The following C12orf42 variants were observed in gnomAD, a reference collection of about 807,000 sequenced individuals.
The protein encoded by C12orf42 is chromosome 12 open reading frame 42.
C12orf42 carries 25 observed loss-of-function variants against 21.6 expected under a neutral mutation model. The observed-to-expected ratio is 1.16, with a 90% CI of 0.84 to 1.62. C12orf42 has a LOEUF of 1.62. C12orf42 is among the 40% of genes most tolerant of loss of function. C12orf42 has a pLI of 0.00. For missense variants in C12orf42, 483 were observed against 459.3 expected (o/e 1.05, Z -0.47); for synonymous variants, 174 against 175.0 (o/e 0.99, Z 0.05).
intron 3 of C12orf42, among the ~76,000 whole-genome samples, chr12:103,376,452 C>T (rs1483396621): frequency 3.9e-5 from 6 of 152,066 alleles, no homozygotes; most frequent in Admixed American, 2.0e-4. Context: ...AAATACCTAA[C>T]GCACACGGGG....
intron 2 of C12orf42, among the ~76,000 whole-genome samples, chr12:103,469,889 C>T (rs1333354259): frequency 2.6e-5 from 4 of 152,286 alleles, no homozygotes; most frequent in Middle Eastern, 3.4e-3. Flanking sequence ...TCGAAAGTCA[C>T]ATTTTCAGTT....
chr12:103,448,200 C>A (rs1022193260), intron 2 of C12orf42, among the ~76,000 whole-genome samples: 8 of 151,946 alleles, frequency 5.3e-5, no homozygotes, highest in African/African-American at 1.9e-4. Flanking sequence ...GGAAAGGATA[C>A]CCTATTCAAC....
At chr12:103,446,102 A>G (rs1420570736) in intron 2 of C12orf42, among the ~76,000 whole-genome samples, 3 of 152,106 alleles carry the variant, frequency 2.0e-5, no homozygotes, top group African/African-American at 7.2e-5. Flanking sequence ...CAATTTACAT[A>G]TTATGCCAGC....
At chr12:103,475,707 C>T (rs890281975) in intron 2 of C12orf42, among the ~76,000 whole-genome samples, 1 of 152,148 alleles carries the variant, frequency 6.6e-6, no homozygotes, top group African/African-American at 2.4e-5. Context: ...CCCGGGCTAA[C>T]AAAGTATTTT....
chr12:103,531,491 T>C, the C12orf42 span, among the ~76,000 whole-genome samples: 1 of 152,158 alleles, frequency 6.6e-6, no homozygotes, highest in South Asian at 2.1e-4. Context: ...TTTTCTAATC[T>C]GGGTCTTCTG....
chr12:103,109,346 C>T, the C12orf42 span, among the ~76,000 whole-genome samples: 4 of 151,920 alleles, frequency 2.6e-5, no homozygotes, highest in African/African-American at 4.8e-5. Context: ...TTTACACACA[C>T]GGGTGTGCGT....
the C12orf42 span, among the ~76,000 whole-genome samples, chr12:103,093,134 A>G: frequency 3.3e-5 from 5 of 152,212 alleles, no homozygotes; most frequent in Admixed American, 3.3e-4. Flanking sequence ...CTTTGAATCA[A>G]TCTCAAGCCA....
the C12orf42 span, among the ~76,000 whole-genome samples, chr12:103,076,866 AG>A: frequency 6.6e-6 from 1 of 152,192 alleles, no homozygotes; most frequent in Non-Finnish European, 1.5e-5. Context: ...AGATACAAAA[AG>A]GTTAATTAAA....
At chr12:103,422,509 T>C (rs1020298638) in intron 2 of C12orf42, among the ~76,000 whole-genome samples, 3 of 152,164 alleles carry the variant, frequency 2.0e-5, no homozygotes, top group African/African-American at 4.8e-5. Context: ...ATTTCATTAG[T>C]GGTTCTGAGT....
chr12:103,464,415 G>GTTT (rs201619152), intron 2 of C12orf42, among the ~76,000 whole-genome samples: 61 of 74,054 alleles, frequency 8.2e-4, no homozygotes, highest in South Asian at 2.3e-3. Context: ...TTTTTAATGG[G>GTTT]GTTTTTTTTT....
chr12:103,058,123 T>A, the C12orf42 span, among the ~76,000 whole-genome samples: 8 of 152,006 alleles, frequency 5.3e-5, no homozygotes, highest in African/African-American at 1.9e-4. Context: ...GCCAAGCTAA[T>A]TTTTGTATTT....
At chr12:103,137,090 C>T in the C12orf42 span, among the ~76,000 whole-genome samples, 12 of 152,012 alleles carry the variant, frequency 7.9e-5, no homozygotes, top group African/African-American at 2.9e-4. Flanking sequence ...TAAGAAACAA[C>T]CTGTTGAATG....
chr12:103,315,578 G>T (rs1273586885), intron 4 of C12orf42, among the ~76,000 whole-genome samples: 2 of 152,124 alleles, frequency 1.3e-5, no homozygotes, highest in Non-Finnish European at 2.9e-5. Flanking sequence ...TTTCCAAGGT[G>T]CAGCATATAC....
chr12:103,293,698 T>A (rs1489377613), intron 4 of C12orf42, among the ~76,000 whole-genome samples: 1 of 152,160 alleles, frequency 6.6e-6, no homozygotes, highest in African/African-American at 2.4e-5. Flanking sequence ...GAATGGTGCA[T>A]AAATCACGTG....
intron 2 of C12orf42, among the ~76,000 whole-genome samples, chr12:103,435,155 C>A (rs989773096): frequency 7.9e-5 from 12 of 151,976 alleles, no homozygotes; most frequent in East Asian, 3.9e-4. Flanking sequence ...ACACCTCACA[C>A]AGCAGGGTAT....
At chr12:103,219,385 G>T in the C12orf42 span, among the ~76,000 whole-genome samples, 1 of 152,116 alleles carries the variant, frequency 6.6e-6, no homozygotes, top group Non-Finnish European at 1.5e-5. Context: ...AAAAGCAATG[G>T]CAACAAAAGC....
the C12orf42 span, among the ~76,000 whole-genome samples, chr12:103,531,787 G>T: frequency 6.6e-6 from 1 of 152,304 alleles, no homozygotes; most frequent in Admixed American, 6.5e-5. Flanking sequence ...GCTTCAGTTG[G>T]TTACACAGGT....
At chr12:103,530,148 G>A in the C12orf42 span, among the ~76,000 whole-genome samples, 75 of 152,256 alleles carry the variant, frequency 4.9e-4, no homozygotes, top group African/African-American at 1.7e-3. Context: ...TTTCCATTTC[G>A]TACTTTTTTA....
the C12orf42 span, among the ~76,000 whole-genome samples, chr12:103,062,559 T>G: frequency 1.3e-5 from 2 of 152,084 alleles, no homozygotes; most frequent in Admixed American, 6.5e-5. Flanking sequence ...TAATCATGAT[T>G]TTGGCCATTA....
Sources: gnomAD v4.1 joint callset for allele counts (sites outside exome capture counted in the v4.1 genomes callset) on GRCh38, gnomAD v4.1.1 for gene constraint, MANE v1.5 for transcripts, NCBI Gene and HGNC (gene_info 2026-07-23, HGNC 2026-07-21) for gene names.